The following SEC63 variants were observed in gnomAD, a reference collection of about 807,000 sequenced individuals.
The protein encoded by SEC63 is SEC63 protein translocation regulator.
A neutral mutation model predicts 116.2 loss-of-function variants in SEC63; 56 were observed. That is an observed-to-expected ratio of 0.48 (90% CI 0.39 to 0.60). SEC63 has a LOEUF of 0.60. Ranked by LOEUF, SEC63 falls within the 20% of genes least tolerant of loss-of-function variation. The probability of loss-of-function intolerance (pLI) is 0.00; values close to 1 mark genes in which losing one functional copy is unlikely to be tolerated. For synonymous variants in SEC63, 273 were observed against 294.6 expected (o/e 0.93, Z 0.75); for missense variants, 668 against 900.0 (o/e 0.74, Z 3.30).
At chr6:107,900,385 T>TA (rs1786972534) in intron 13 of SEC63, among the ~76,000 whole-genome samples, 1 of 151,966 alleles carries the variant, frequency 6.6e-6, no homozygotes, top group Admixed American at 6.6e-5. Context: ...CTCACACCTA[T>TA]AATCACAGCA....
In SEC63 at chr6:107,912,772, T is replaced by G; in HGVS notation, c.517A>C (p.Thr173Pro). Residue 173 changes from threonine (T) to proline (P), a missense_variant and splice_region_variant, in exon 6 of 21, where the codon ACA (threonine) becomes CCA (proline). Thr to Pro is a conservative substitution (Grantham distance 38, BLOSUM62 -1). Coordinates refer to ENST00000369002, the MANE Select transcript of SEC63 (RefSeq NM_007214.5). ...GCTGGCAGGGCAATTCCAAAGCTTG[T>G]GGCTGAAATAGAAAAAATATCAGTT... ...EFGNPDGPQATSFGIALPAWI... is the reference protein window; with the variant it reads ...EFGNPDGPQAPSFGIALPAWI... 1 of 1,609,732 alleles carries G rather than the reference T, an allele frequency of 6.2e-7. No homozygotes were observed. The highest frequency in any genetic ancestry group is 8.5e-7 in the Non-Finnish European group (1 of 1,176,264).
At chr6:107,935,010 C>CCCGGCCAGCCACCCCGT (rs1403722691) in intron 1 of SEC63, among the ~76,000 whole-genome samples, 1 of 134,372 alleles carries the variant, frequency 7.4e-6, no homozygotes, top group African/African-American at 2.9e-5. Flanking sequence ...CAGCCCCCCG[C>CCCGGCCAGCCACCCCGT]CCGGCCAGCC....
rs770910504 is a variant in SEC63 at position 107,908,958 on chromosome 6, A to G, written c.702T>C (p.Phe234=). 1 of 1,612,278 alleles carries G rather than the reference A, an allele frequency of 6.2e-7. No homozygotes were observed. ...LIRTTQIYTY[F]VYKTRNMDMK... is the part of the protein sequence containing the mutation. ...TATCCATATTTCGGGTTTTATAAACAAAGTATGTATAAATCTGTGTTGTGC... is the reference window on the plus strand; with the variant it reads ...TATCCATATTTCGGGTTTTATAAACGAAGTATGTATAAATCTGTGTTGTGC... Residue 234 remains phenylalanine (F), a synonymous_variant, in exon 8 of 21, where the codon TTT becomes TTC. Coordinates refer to ENST00000369002, the MANE Select transcript of SEC63 (RefSeq NM_007214.5).
At chr6:107,909,827 GACTC>G (rs1366885024) in intron 7 of SEC63, among the ~76,000 whole-genome samples, 9 of 152,090 alleles carry the variant, frequency 5.9e-5, no homozygotes, top group South Asian at 2.1e-4. Flanking sequence ...TTAATTATTA[GACTC>G]ACTATGTGAC....
chr6:107,958,134 G>GCC lies in SEC63; in HGVS notation c.-127_-126dup. On this transcript the variant is annotated 5_prime_UTR_variant, in exon 1 of 21. Coordinates refer to ENST00000369002, the MANE Select transcript of SEC63 (RefSeq NM_007214.5). ...ACTGCCGCCGCCGCCTCTCCTCCCC[G>GCC]CCCCCACGCCACTCTCACGGACACG... is the stretch of plus-strand genomic sequence containing the variant. 7.0e-7 allele frequency: 1 copy of GCC among 1,424,274 alleles called. No individual in the cohort carries two copies. Among genetic ancestry groups the GCC allele is most frequent in the Non-Finnish European group, 9.6e-7 (1 of 1,037,530 alleles). The allele number at this position is 1,424,274 out of a possible 1,614,324, so 88.2% of individuals were successfully genotyped here. A position where few individuals can be genotyped will look rare whatever the true frequency, so the allele number is the denominator to read the frequency against.
At chr6:107,923,809 C>T (rs1478203598) in intron 3 of SEC63, among the ~76,000 whole-genome samples, 1 of 151,958 alleles carries the variant, frequency 6.6e-6, no homozygotes, top group South Asian at 2.1e-4. Flanking sequence ...TGTAAGCCAC[C>T]GTTCCTGGCT....
At chr6:107,905,035 A>T (rs1371088535) in intron 10 of SEC63, among the ~76,000 whole-genome samples, 1 of 152,250 alleles carries the variant, frequency 6.6e-6, no homozygotes, top group Non-Finnish European at 1.5e-5. Context: ...AGGCAGGCAG[A>T]TCAACTAAAT....
chr6:107,877,679 C>T (rs1271741033), intron 18 of SEC63, among the ~76,000 whole-genome samples: 3 of 152,016 alleles, frequency 2.0e-5, no homozygotes, highest in Non-Finnish European at 4.4e-5. Flanking sequence ...TGGGCTCAAG[C>T]GATCCTCCCA....
intron 19 of SEC63, 134 bp downstream of exon 19, chr6:107,876,429 GT>G: frequency 1.5e-6 from 1 of 655,036 alleles, no homozygotes; most frequent in South Asian, 1.7e-5. Context: ...ATAGAGAACA[GT>G]TACAAAATGC....
chr6:107,941,044 T>C (rs955556419), intron 1 of SEC63, among the ~76,000 whole-genome samples: 6 of 152,026 alleles, frequency 3.9e-5, no homozygotes, highest in African/African-American at 7.3e-5. Context: ...AGTAAATAAA[T>C]GCTAGCTAAG....
intron 16 of SEC63, among the ~76,000 whole-genome samples, chr6:107,887,180 G>A (rs1234510784): frequency 6.6e-6 from 1 of 151,648 alleles, no homozygotes; most frequent in Admixed American, 6.6e-5. Context: ...CATTGTGGAA[G>A]TCAGTGTGGC....
Position 107,904,639 on chromosome 6 carries a change from C to T in SEC63, c.1044G>A (p.Arg348=). The T allele has an allele frequency of 6.2e-7, 1 of 1,609,942 alleles. No homozygotes were observed. The highest frequency in any genetic ancestry group is 8.5e-7 in the Non-Finnish European group (1 of 1,176,216). Residue 348 remains arginine, a synonymous_variant, in exon 11 of 21, where the codon CGG becomes CGA. Transcript: ENST00000369002. The part of the protein sequence containing the change: ...NVICQLIVMA[R]NREEREFRAP... Reference sequence around the variant, plus strand: ...ATATTTCCTCCTCACCTTCACGGTTCCGGGCCATTACTATTAGTTGGCAGA... The same window carrying T: ...ATATTTCCTCCTCACCTTCACGGTTTCGGGCCATTACTATTAGTTGGCAGA...
At chr6:107,896,667 G>A (rs905454070) in intron 14 of SEC63, among the ~76,000 whole-genome samples, 1 of 152,126 alleles carries the variant, frequency 6.6e-6, no homozygotes, top group Non-Finnish European at 1.5e-5. Flanking sequence ...AGGCTGACAA[G>A]GGGTTTTCCT....
intron 4 of SEC63, among the ~76,000 whole-genome samples, chr6:107,914,679 G>A (rs1452364147): frequency 6.6e-6 from 1 of 152,090 alleles, no homozygotes; most frequent in African/African-American, 2.4e-5. Context: ...AAAATTGAGG[G>A]ATGTTTCTCA....
At chr6:107,924,996 T>C in intron 2 of SEC63, 64 bp from the exon 3 acceptor site, 1 of 979,846 alleles carries the variant, frequency 1.0e-6, no homozygotes, top group Non-Finnish European at 1.6e-6. Flanking sequence ...AAAGACATTA[T>C]GGCAAGGTCA....
chr6:107,952,430 G>A (rs1770599111), intron 1 of SEC63, among the ~76,000 whole-genome samples: 3 of 152,038 alleles, frequency 2.0e-5, no homozygotes, highest in Admixed American at 2.0e-4. Flanking sequence ...CAAATGTGTT[G>A]CAGAAAACAC....
At chr6:107,905,013 T>C (rs935326424) in intron 10 of SEC63, among the ~76,000 whole-genome samples, 39 of 152,052 alleles carry the variant, frequency 2.6e-4, no homozygotes, top group Admixed American at 1.3e-4. Flanking sequence ...ATCCCAGCAC[T>C]TTGGGAGGCT....
At chr6:107,873,884 A>G (rs528079096) in intron 19 of SEC63, among the ~76,000 whole-genome samples, 9 of 152,326 alleles carry the variant, frequency 5.9e-5, no homozygotes, top group African/African-American at 2.2e-4. Context: ...AACACACTGA[A>G]GGTTAAGTTT....
chr6:107,902,855 T>C lies in SEC63; in HGVS notation c.1198A>G (p.Asn400Asp). The C allele has an allele frequency of 1.9e-6, 3 of 1,613,930 alleles. No homozygotes were observed. Among genetic ancestry groups the C allele is most frequent in the Non-Finnish European group, 1.7e-6 (2 of 1,179,862 alleles). Residue 400 changes from asparagine (N) to aspartate (D), a missense_variant, in exon 12 of 21, where the codon AAT (asparagine) becomes GAT (aspartate). By Grantham distance (23) the Asn-to-Asp change is conservative. Transcript: ENST00000369002. ...TAGCAAAGAATTACCTTCTTATGAT[T>C]AGAAACCCGTCTAAGATTGTCCTCT... ...IEEDNLRRVS[N>D]HKKYKIKTIQ...
Sources: allele counts gnomAD v4.1 joint callset (sites outside exome capture counted in the v4.1 genomes callset), GRCh38; gene constraint gnomAD v4.1.1; transcripts MANE v1.5; gene names NCBI Gene and HGNC (gene_info 2026-07-23, HGNC 2026-07-21).